MEGF11: variants seen among roughly 807,000 people sequenced by gnomAD.
MEGF11 encodes multiple EGF like domains 11, also known as multiple epidermal growth factor-like domains protein 11.
A neutral mutation model predicts 146.6 loss-of-function variants in MEGF11; 126 were observed. The observed-to-expected ratio is 0.86, with a 90% CI of 0.74 to 1.00. The LOEUF is 1.00. Ranked by LOEUF, MEGF11 falls within the 50% of genes least tolerant of loss-of-function variation. The probability of loss-of-function intolerance (pLI) is 0.00; values close to 1 mark genes in which losing one functional copy is unlikely to be tolerated. For missense variants in MEGF11, 1,509 were observed against 1,521.2 expected (o/e 0.99, Z 0.13); for synonymous variants, 532 against 583.4 (o/e 0.91, Z 1.27).
chr15:66,131,529 G>A (rs1758061129), intron 1 of MEGF11, among the ~76,000 whole-genome samples: 1 of 152,214 alleles, frequency 6.6e-6, no homozygotes, highest in African/African-American at 2.4e-5. Flanking sequence ...AGCAGTGTGT[G>A]GAGGCAGGAA....
chr15:65,993,355 T>TCC (rs1200325219), intron 5 of MEGF11, among the ~76,000 whole-genome samples: 2 of 151,974 alleles, frequency 1.3e-5, no homozygotes, highest in Admixed American at 6.6e-5. Context: ...CTCAAAGCCC[T>TCC]CCCCTCCACC....
intron 5 of MEGF11, among the ~76,000 whole-genome samples, chr15:65,996,243 G>T (rs1238977758): frequency 6.6e-6 from 1 of 152,186 alleles, no homozygotes. Context: ...GTAGGGCAGG[G>T]ATGAGAAGAG....
chr15:66,240,460 C>T (rs1020123445), intron 1 of MEGF11, among the ~76,000 whole-genome samples: 5 of 152,204 alleles, frequency 3.3e-5, no homozygotes, highest in Admixed American at 6.5e-5. Context: ...GAGGTGCTTC[C>T]GGTGAACAAT....
chr15:66,092,983 G>A (rs1327861301), intron 5 of MEGF11, among the ~76,000 whole-genome samples: 1 of 152,226 alleles, frequency 6.6e-6, no homozygotes, highest in Non-Finnish European at 1.5e-5. Flanking sequence ...GTGTTTTGCA[G>A]CTCAAGTCCA....
chr15:66,174,590 G>A (rs1214603792), intron 1 of MEGF11, among the ~76,000 whole-genome samples: 1 of 151,694 alleles, frequency 6.6e-6, no homozygotes, highest in Non-Finnish European at 1.5e-5. Context: ...GAGAAGCAGT[G>A]GCCTTTAATC....
intron 1 of MEGF11, among the ~76,000 whole-genome samples, chr15:66,216,219 C>G (rs1461380625): frequency 6.6e-6 from 1 of 152,172 alleles, no homozygotes; most frequent in Non-Finnish European, 1.5e-5. Context: ...AGCTGTTGGC[C>G]TGGAGGAGTC....
chr15:66,092,862 G>C (rs1303828219), intron 5 of MEGF11, among the ~76,000 whole-genome samples: 2 of 152,214 alleles, frequency 1.3e-5, no homozygotes, highest in Non-Finnish European at 2.9e-5. Flanking sequence ...CATCCCAGCA[G>C]GGCTGACCTA....
intron 5 of MEGF11, among the ~76,000 whole-genome samples, chr15:66,036,002 C>T (rs1370668603): frequency 6.6e-6 from 1 of 152,256 alleles, no homozygotes; most frequent in African/African-American, 2.4e-5. Flanking sequence ...CCGCCAGTGG[C>T]CCCACTTCAG....
intron 10 of MEGF11, among the ~76,000 whole-genome samples, chr15:65,931,611 C>G (rs1182475875): frequency 6.6e-6 from 1 of 152,170 alleles, no homozygotes; most frequent in Non-Finnish European, 1.5e-5. Flanking sequence ...GGTCAGGCCT[C>G]CAGACCACAA....
At chr15:66,235,744 T>A (rs955421873) in intron 1 of MEGF11, among the ~76,000 whole-genome samples, 1 of 152,142 alleles carries the variant, frequency 6.6e-6, no homozygotes, top group African/African-American at 2.4e-5. Context: ...GTCCCAAGAC[T>A]GCCCGGGCTC....
intron 1 of MEGF11, among the ~76,000 whole-genome samples, chr15:66,242,589 T>A (rs903085304): frequency 3.3e-5 from 5 of 152,010 alleles, no homozygotes; most frequent in Non-Finnish European, 5.9e-5. Flanking sequence ...GGTCCAAAGA[T>A]GAGCTGATAT....
At chr15:66,225,932 C>T (rs1254032475) in intron 1 of MEGF11, among the ~76,000 whole-genome samples, 3 of 152,242 alleles carry the variant, frequency 2.0e-5, no homozygotes, top group Non-Finnish European at 4.4e-5. Flanking sequence ...CTCACACTCA[C>T]ATGAACACAC....
chr15:66,058,328 C>G (rs2084763260), intron 5 of MEGF11, among the ~76,000 whole-genome samples: 1 of 152,188 alleles, frequency 6.6e-6, no homozygotes, highest in Non-Finnish European at 1.5e-5. Flanking sequence ...ACTACCATTT[C>G]CATCAAGCCT....
At chr15:66,222,529 G>A (rs550539721) in intron 1 of MEGF11, among the ~76,000 whole-genome samples, 7 of 152,112 alleles carry the variant, frequency 4.6e-5, no homozygotes, top group East Asian at 1.9e-4. Flanking sequence ...TCTTGTGTTC[G>A]TCTCCCGCAC....
chr15:66,023,294 C>T (rs2083224296), intron 5 of MEGF11, among the ~76,000 whole-genome samples: 1 of 152,176 alleles, frequency 6.6e-6, no homozygotes, highest in African/African-American at 2.4e-5. Context: ...AACTGCCCAT[C>T]AGCTCAGGGC....
intron 6 of MEGF11, 111 bp from the exon 7 acceptor site, chr15:65,981,009 G>A (rs1400394615): frequency 2.2e-6 from 3 of 1,345,144 alleles, no homozygotes; most frequent in Non-Finnish European, 3.0e-6. Context: ...ATCTGTATTA[G>A]GCACAGCATC....
chr15:66,126,572 C>T (rs907456355), intron 2 of MEGF11, among the ~76,000 whole-genome samples: 29 of 152,214 alleles, frequency 1.9e-4, no homozygotes, highest in African/African-American at 6.5e-4. Flanking sequence ...GGGGCCCTCC[C>T]TGTGGGGGAC....
chr15:66,036,143 G>A (rs189155), intron 5 of MEGF11, among the ~76,000 whole-genome samples: 93,807 of 152,168 alleles, frequency 0.62, 29,854 homozygotes, highest in Admixed American at 0.7. Flanking sequence ...AACGGGAACA[G>A]GGATCAGTGA....
At chr15:66,117,598 A>C (rs1368218592) in intron 4 of MEGF11, among the ~76,000 whole-genome samples, 1 of 152,156 alleles carries the variant, frequency 6.6e-6, no homozygotes, top group Non-Finnish European at 1.5e-5. Context: ...CCCTGAGTCC[A>C]TCACTGGGCC....
Sources: allele counts gnomAD v4.1 joint callset (sites outside exome capture counted in the v4.1 genomes callset), GRCh38; gene constraint gnomAD v4.1.1; transcripts MANE v1.5; gene names NCBI Gene and HGNC (gene_info 2026-07-23, HGNC 2026-07-21).